PRDM16: variants seen among roughly 807,000 people sequenced by gnomAD.
PRDM16 encodes histone-lysine N-methyltransferase PRDM16.
Under a neutral mutation model 110.6 loss-of-function variants are expected in PRDM16, and 23 were observed. The observed-to-expected ratio is 0.21, with a 90% confidence interval of 0.15 to 0.29. The LOEUF is 0.29. Among genes scored for constraint, PRDM16 ranks in the 10% least tolerant of loss-of-function variants. The pLI, the probability that PRDM16 is intolerant of heterozygous loss-of-function variation, is 1.00. For missense variants in PRDM16, 1,615 were observed against 1,794.3 expected, an observed-to-expected ratio of 0.90 and a Z score of 1.81; for synonymous variants, 799 against 781.8, an observed-to-expected ratio of 1.02 and a Z score of -0.37.
intron 3 of PRDM16, among the ~76,000 whole-genome samples, chr1:3,374,299 C>T (rs2100583998): frequency 6.6e-6 from 1 of 152,354 alleles, no homozygotes; most frequent in East Asian, 1.9e-4. Flanking sequence ...ACCCAGGGCG[C>T]CCCCTTGGCA....
chr1:3,230,170 G>A (rs1303337632), intron 2 of PRDM16, among the ~76,000 whole-genome samples: 2 of 152,226 alleles, frequency 1.3e-5, no homozygotes, highest in Non-Finnish European at 2.9e-5. Context: ...AGGGCCTCAA[G>A]AGAGACAGAC....
Position 3,181,649 on chromosome 1 carries a change from TACAC to T in PRDM16, c.38-4473_38-4470del, listed in dbSNP as rs201101509. Among the ~76,000 whole-genome samples the T allele has an allele frequency of 2.6e-5, 3 of 114,618 alleles. 1 individual carries two copies. Among genetic ancestry groups the T allele is most frequent in the East Asian group, 7.3e-4 (2 of 2,730 alleles). The allele number at this position is 114,618 out of a possible 152,430, so 75.2% of individuals were successfully genotyped here. A position where few individuals can be genotyped will look rare whatever the true frequency, so the allele number is the denominator to read the frequency against. On this transcript the variant is annotated intron_variant, in intron 1 of 16. Coordinates refer to ENST00000270722, the MANE Select transcript of PRDM16 (RefSeq NM_022114.4). ...ACACATGCAGTCTTACACACGGTCTTACACACGGTCTTACACAGTCTTACACGCG... is the reference window on the plus strand; with the variant it reads ...ACACATGCAGTCTTACACACGGTCTTACGGTCTTACACAGTCTTACACGCG...
At chr1:3,164,930 C>G (rs1197191351) in intron 1 of PRDM16, among the ~76,000 whole-genome samples, 5 of 152,210 alleles carry the variant, frequency 3.3e-5, no homozygotes, top group Non-Finnish European at 7.3e-5. Context: ...GCTTGTTCCC[C>G]AGAGGTGCAA....
chr1:3,432,679 G>A (rs1638800472), intron 16 of PRDM16, among the ~76,000 whole-genome samples: 1 of 152,190 alleles, frequency 6.6e-6, no homozygotes, highest in South Asian at 2.1e-4. Context: ...GGGACTCAGG[G>A]TCTCATTCAG....
At chr1:3,322,071 CGT>C (rs1445662265) in intron 3 of PRDM16, among the ~76,000 whole-genome samples, 1 of 150,708 alleles carries the variant, frequency 6.6e-6, no homozygotes, top group Non-Finnish European at 1.5e-5. Flanking sequence ...GGGGAGTGCA[CGT>C]GTGTGAGGCT....
chr1:3,433,182 G>A (rs1202334825), intron 16 of PRDM16, among the ~76,000 whole-genome samples: 3 of 152,264 alleles, frequency 2.0e-5, no homozygotes, highest in African/African-American at 7.2e-5. Flanking sequence ...AGCCAAGGGA[G>A]CTGGTGTGCA....
In PRDM16 at chr1:3,437,006, GCT is replaced by G. The variant is rs1467788218; in HGVS notation, c.*3199_*3200del. On this transcript the variant is annotated 3_prime_UTR_variant, in exon 17 of 17. Transcript: ENST00000270722. ...CGAGCCGACGTCCCCACCCGTTCCTGCTCTCATCCCCAGGTTGGGCACGTGGG... is the reference window on the plus strand; with the variant it reads ...CGAGCCGACGTCCCCACCCGTTCCTGCTCATCCCCAGGTTGGGCACGTGGG... 3.9e-5 allele frequency: 9 copies of G among 233,022 alleles called. No individual in the cohort carries two copies. The East Asian group carries it at 5.4e-4, about 14-fold the overall frequency. The allele number at this position is 233,022 out of a possible 1,614,324, so 14.4% of individuals were successfully genotyped here. A position where few individuals can be genotyped will look rare whatever the true frequency, so the allele number is the denominator to read the frequency against.
chr1:3,359,161 T>C lies in PRDM16; in HGVS notation c.439-25991T>C, dbSNP rs1642667195. Among the ~76,000 whole-genome samples the C allele has an allele frequency of 6.6e-6, 1 of 152,150 alleles. No individual in the cohort carries two copies. On this transcript the variant is annotated intron_variant, in intron 3 of 16. Coordinates refer to ENST00000270722, the MANE Select transcript of PRDM16 (RefSeq NM_022114.4). The surrounding 1 kb of genome is among the most constrained non-coding windows in gnomAD (Gnocchi z 4.3). ...CTCAAGCGATCCTCCCTCCTCAGCC[T>C]CCCGAGTAGCTGGGACTACAGGCAG...
At chr1:3,128,247 C>T (rs1643252608) in intron 1 of PRDM16, among the ~76,000 whole-genome samples, 1 of 152,168 alleles carries the variant, frequency 6.6e-6, no homozygotes, top group Non-Finnish European at 1.5e-5. Flanking sequence ...TCACGTTTGA[C>T]GGGGCCAAGA....
intron 12 of PRDM16, among the ~76,000 whole-genome samples, chr1:3,422,154 CA>C (rs1638455100): frequency 1.4e-5 from 2 of 145,594 alleles, no homozygotes. Flanking sequence ...GACAGACAGG[CA>C]GGGCAGACAG....
At chr1:3,276,402 G>A (rs907704855) in intron 3 of PRDM16, among the ~76,000 whole-genome samples, 2 of 152,350 alleles carry the variant, frequency 1.3e-5, no homozygotes, top group African/African-American at 4.8e-5. Context: ...TGAACCTCTG[G>A]GAGCTCAGGA....
intron 2 of PRDM16, among the ~76,000 whole-genome samples, chr1:3,235,391 CT>C (rs1371184325): frequency 6.6e-6 from 1 of 152,230 alleles, no homozygotes; most frequent in East Asian, 1.9e-4. Context: ...CACATGTCAC[CT>C]GCTTTTATGA....
chr1:3,172,701 C>T (rs1249260055), intron 1 of PRDM16, among the ~76,000 whole-genome samples: 2 of 152,166 alleles, frequency 1.3e-5, no homozygotes, highest in Non-Finnish European at 2.9e-5. Context: ...TGTGAAAGGG[C>T]AATAGTGTAG....
At chr1:3,114,692 GCACACA>G (rs917478590) in intron 1 of PRDM16, among the ~76,000 whole-genome samples, 6 of 152,212 alleles carry the variant, frequency 3.9e-5, no homozygotes, top group Non-Finnish European at 7.4e-5. Flanking sequence ...GCACCCGGGT[GCACACA>G]CACACAGAGG....
At chr1:3,252,735 G>T (rs575397926) in intron 3 of PRDM16, among the ~76,000 whole-genome samples, 1 of 152,212 alleles carries the variant, frequency 6.6e-6, no homozygotes, top group Non-Finnish European at 1.5e-5. Flanking sequence ...TCCTGGGGCC[G>T]ACTGTGATCC....
intron 2 of PRDM16, among the ~76,000 whole-genome samples, chr1:3,233,498 A>G (rs1639466445): frequency 6.6e-6 from 1 of 152,210 alleles, no homozygotes; most frequent in Admixed American, 6.5e-5. Flanking sequence ...CAGGCTGAGC[A>G]TGGAACATCC....
chr1:3,233,138 G>A (rs548216241), intron 2 of PRDM16, among the ~76,000 whole-genome samples: 1 of 152,346 alleles, frequency 6.6e-6, no homozygotes, highest in African/African-American at 2.4e-5. Context: ...CTGGTGCAGA[G>A]CCCACCGGGC....
At chr1:3,210,286 G>A (rs1481955211) in intron 2 of PRDM16, among the ~76,000 whole-genome samples, 2 of 152,176 alleles carry the variant, frequency 1.3e-5, no homozygotes, top group African/African-American at 4.8e-5. Context: ...AAGGCAGCTC[G>A]AGGCATCACT....
chr1:3,310,359 G>C (rs576173752), intron 3 of PRDM16, among the ~76,000 whole-genome samples: 19 of 152,078 alleles, frequency 1.2e-4, no homozygotes, highest in Non-Finnish European at 2.5e-4. Context: ...AAAGCGACCC[G>C]GTCACCGCCC....
Sources: gnomAD v4.1 joint callset for allele counts (sites outside exome capture counted in the v4.1 genomes callset) on GRCh38, gnomAD v4.1.1 for gene constraint, Gnocchi (gnomAD v3.1) non-coding constraint, MANE v1.5 for transcripts, NCBI Gene and HGNC (gene_info 2026-07-23, HGNC 2026-07-21) for gene names.